LBR: variants seen among roughly 807,000 people sequenced by gnomAD.
LBR encodes the protein lamin B receptor, also known as delta(14)-sterol reductase LBR.
In LBR, 28 loss-of-function variants were observed where a neutral mutation model predicts 74.3. The ratio of observed to expected loss-of-function variants is 0.38; its 90% CI spans 0.28 to 0.52. The LOEUF (loss-of-function observed/expected upper bound fraction) is 0.52. LBR is among the 20% of genes least tolerant of loss of function. The probability of loss-of-function intolerance (pLI) is 0.89; values close to 1 mark genes in which losing one functional copy is unlikely to be tolerated. For synonymous variants in LBR, 228 were observed against 269.3 expected (o/e 0.85, Z 1.50); for missense variants, 717 against 760.3 (o/e 0.94, Z 0.67).
chr1:225,407,738 G>A (rs1575220081), intron 10 of LBR, among the ~76,000 whole-genome samples: 2 of 152,210 alleles, frequency 1.3e-5, no homozygotes, highest in East Asian at 3.9e-4. Flanking sequence ...CTAGGTTAAA[G>A]AAAAAGAGTG....
intron 2 of LBR, among the ~76,000 whole-genome samples, chr1:225,422,807 C>T (rs951198424): frequency 6.6e-6 from 1 of 152,230 alleles, no homozygotes; most frequent in Non-Finnish European, 1.5e-5. Flanking sequence ...GGCCAAGTCC[C>T]TCACCCCAAT....
intron 9 of LBR, among the ~76,000 whole-genome samples, chr1:225,411,107 A>T (rs770190355): frequency 3.3e-5 from 5 of 152,258 alleles, no homozygotes; most frequent in Non-Finnish European, 5.9e-5. Context: ...ATAAACTGAT[A>T]TAATAAAAAT....
chr1:225,422,846 CT>C (rs2096130577), intron 2 of LBR, among the ~76,000 whole-genome samples: 1 of 152,318 alleles, frequency 6.6e-6, no homozygotes, highest in African/African-American at 2.4e-5. Flanking sequence ...CTAAGAATGG[CT>C]TTTACATTCT....
Position 225,412,514 on chromosome 1 carries a change from C to T in LBR, c.1024G>A (p.Val342Met), listed in dbSNP as rs772814364. The T allele has an allele frequency of 3.7e-6, 6 of 1,614,172 alleles. No homozygotes were observed. The highest frequency in any genetic ancestry group is 5.1e-6 in the Non-Finnish European group (6 of 1,180,038). Residue 342 changes from valine to methionine, a missense_variant, in exon 8 of 14, where the codon GTG becomes ATG. Transcript: ENST00000272163. ...TTCAAAGAGCGCATGTAGAGATACA[C>T]ACTCAAGACCACACAAAAAACAGTG... The part of the protein sequence containing the change: ...AATVFCVVLS[V>M]YLYMRSLKAP...
chr1:225,412,646 C>CT lies in LBR; in HGVS notation c.893-2dup. 1 of 1,536,224 alleles carries CT rather than the reference C, an allele frequency of 6.5e-7. No individual in the cohort carries two copies. Among genetic ancestry groups the CT allele is most frequent in the South Asian group, 1.2e-5 (1 of 83,894 alleles). On this transcript the variant is annotated splice_acceptor_variant, in intron 7 of 13. Transcript: ENST00000272163. LOFTEE classifies it high-confidence loss of function. Reference sequence around the variant, plus strand: ...GATGTCAGGATAAAAGCATAGAATCCTTTAAAAAAAAAAAAAAAAGGAAGT... The same window carrying CT: ...GATGTCAGGATAAAAGCATAGAATCCTTTTAAAAAAAAAAAAAAAAGGAAGT...
At chr1:225,406,189 C>CT (rs1483884382) in intron 11 of LBR, among the ~76,000 whole-genome samples, 1 of 152,150 alleles carries the variant, frequency 6.6e-6, no homozygotes, top group Non-Finnish European at 1.5e-5. Flanking sequence ...TAAGTTCACA[C>CT]TAACGCTCCC....
chr1:225,421,843 T>C (rs954749900), intron 3 of LBR, among the ~76,000 whole-genome samples: 1 of 152,266 alleles, frequency 6.6e-6, no homozygotes, highest in Non-Finnish European at 1.5e-5. Context: ...ATTTGAACGC[T>C]GCTTTTTTAA....
chr1:225,409,440 A>G (rs1357369459), intron 10 of LBR, among the ~76,000 whole-genome samples: 1 of 152,264 alleles, frequency 6.6e-6, no homozygotes, highest in Non-Finnish European at 1.5e-5. Flanking sequence ...GGAGATACAT[A>G]GTATTGATGA....
chr1:225,408,947 G>C (rs1219669509), intron 10 of LBR, among the ~76,000 whole-genome samples: 2 of 152,214 alleles, frequency 1.3e-5, no homozygotes, highest in African/African-American at 2.4e-5. Context: ...TCAGTGGAAA[G>C]CTACTAGAAA....
chr1:225,427,118 A>C (rs1575234429), intron 1 of LBR, among the ~76,000 whole-genome samples: 1 of 151,838 alleles, frequency 6.6e-6, no homozygotes, highest in Admixed American at 6.6e-5. Context: ...CACGGTATCT[A>C]CCGCGCCCTC....
chr1:225,411,528 A>C, intron 8 of LBR, 88 bp from the exon 9 acceptor site: 40 of 927,360 alleles, frequency 4.3e-5, no homozygotes, highest in Non-Finnish European at 5.9e-5. Flanking sequence ...ATCCAGGCTC[A>C]CAATTCCACT....
intron 3 of LBR, among the ~76,000 whole-genome samples, chr1:225,420,922 C>G (rs553563128): frequency 1.3e-5 from 2 of 152,282 alleles, no homozygotes; most frequent in Non-Finnish European, 2.9e-5. Context: ...AGCAGTTCCA[C>G]TTGTAAGAAT....
At chr1:225,406,454 A>C (rs1218876062) in intron 11 of LBR, 2 of 458,546 alleles carry the variant, frequency 4.4e-6, no homozygotes, top group Non-Finnish European at 7.8e-6. Flanking sequence ...GGTTTAAAAT[A>C]ATCTGTTTCA....
At chr1:225,405,104 T>C (rs184520595) in intron 11 of LBR, among the ~76,000 whole-genome samples, 166 of 152,310 alleles carry the variant, frequency 1.1e-3, no homozygotes, top group African/African-American at 3.8e-3. Flanking sequence ...TAATCAAAAT[T>C]ACAAGCTATA....
At chr1:225,410,813 A>C (rs569229931) in intron 9 of LBR, among the ~76,000 whole-genome samples, 1 of 152,374 alleles carries the variant, frequency 6.6e-6, no homozygotes, top group Non-Finnish European at 1.5e-5. Flanking sequence ...AGTCCTGTCG[A>C]GGTTCCTGGA....
intron 4 of LBR, 117 bp downstream of exon 4, chr1:225,419,598 A>T: frequency 9.7e-7 from 1 of 1,035,660 alleles, no homozygotes; most frequent in East Asian, 2.4e-5. Flanking sequence ...TAAGGACAGA[A>T]TTTTAGAACA....
At chr1:225,413,067 G>A (rs1045072954) in intron 7 of LBR, among the ~76,000 whole-genome samples, 1 of 152,182 alleles carries the variant, frequency 6.6e-6, no homozygotes, top group African/African-American at 2.4e-5. Context: ...CCAGGGGTCA[G>A]GCACCGAGCC....
intron 1 of LBR, 135 bp from the exon 2 acceptor site, chr1:225,424,224 T>G: frequency 1.3e-6 from 1 of 748,532 alleles, no homozygotes. Flanking sequence ...AAGGCTACAT[T>G]CAATCTCATT....
At chr1:225,428,695 CTACGACT>C (rs1348974603), upstream of LBR, 5 of 152,160 alleles carry the variant, frequency 3.3e-5, no homozygotes, top group African/African-American at 1.2e-4. Context: ...CCGAGGGCTC[CTACGACT>C]TACGCTGCGA....
Sources: gnomAD v4.1 joint callset for allele counts (sites outside exome capture counted in the v4.1 genomes callset) on GRCh38, gnomAD v4.1.1 for gene constraint, MANE v1.5 for transcripts, NCBI Gene and HGNC (gene_info 2026-07-23, HGNC 2026-07-21) for gene names.